The following EFNA5 variants were observed in gnomAD, a reference collection of about 807,000 sequenced individuals.
The protein encoded by EFNA5 is ephrin A5, also known as ephrin-A5.
In EFNA5, 5 loss-of-function variants were observed where a neutral mutation model predicts 22.9. That is an observed-to-expected ratio of 0.22 (90% confidence interval 0.11 to 0.46). The LOEUF (loss-of-function observed/expected upper bound fraction) is 0.46. Ranked by LOEUF, EFNA5 falls within the 20% of genes least tolerant of loss-of-function variation. The pLI is 0.99. For missense variants in EFNA5, 237 were observed against 293.3 expected, an observed-to-expected ratio of 0.81 and a Z score of 1.40; for synonymous variants, 113 against 112.2, an observed-to-expected ratio of 1.01 and a Z score of -0.04.
chr5:107,425,063 C>T (rs1237908105), intron 2 of EFNA5, among the ~76,000 whole-genome samples: 1 of 152,110 alleles, frequency 6.6e-6, no homozygotes, highest in Non-Finnish European at 1.5e-5. Flanking sequence ...TATTTTGAAG[C>T]ATTTTGGAAC....
chr5:107,542,571 G>C (rs1748071223), intron 1 of EFNA5, among the ~76,000 whole-genome samples: 1 of 152,014 alleles, frequency 6.6e-6, no homozygotes, highest in Non-Finnish European at 1.5e-5. Flanking sequence ...GGTGCGGGGA[G>C]GGGGTAGGTG....
At chr5:107,558,231 C>T (rs1306789343) in intron 1 of EFNA5, among the ~76,000 whole-genome samples, 2 of 152,014 alleles carry the variant, frequency 1.3e-5, no homozygotes, top group African/African-American at 4.8e-5. Context: ...CCACTCCCGG[C>T]AACTGTACTA....
intron 1 of EFNA5, among the ~76,000 whole-genome samples, chr5:107,517,549 A>T (rs955510036): frequency 6.6e-6 from 1 of 152,208 alleles, no homozygotes; most frequent in Non-Finnish European, 1.5e-5. Flanking sequence ...CACTATCATT[A>T]TTATCCTTTT....
chr5:107,536,911 C>T lies in EFNA5; in HGVS notation c.126-109402G>A, dbSNP rs371454192. On this transcript the variant is annotated intron_variant, in intron 1 of 4. Transcript: ENST00000333274. ...CATGAGGTCAGGAGTTTGAGACCAT[C>T]CTGACTAATATGGTGAAACCCTGTC... 7.2e-5 allele frequency among the ~76,000 whole-genome samples: 11 copies of T among 152,066 alleles called. No homozygotes were observed. The South Asian group carries it at 2.3e-3, about 32-fold the overall frequency.
At chr5:107,584,673 T>C (rs1352466505) in intron 1 of EFNA5, among the ~76,000 whole-genome samples, 2 of 152,222 alleles carry the variant, frequency 1.3e-5, no homozygotes, top group African/African-American at 2.4e-5. Context: ...CATTTACTGA[T>C]AGTTACTGCT....
chr5:107,641,017 TAGATAGAC>T (rs1490405503), intron 1 of EFNA5, among the ~76,000 whole-genome samples: 1,397 of 113,630 alleles, frequency 0.012, 20 homozygotes, highest in African/African-American at 0.037. Flanking sequence ...GATAGATAGA[TAGATAGAC>T]AGACAGACAG....
At chr5:107,446,036 A>C (rs1561389592) in intron 1 of EFNA5, among the ~76,000 whole-genome samples, 1 of 152,174 alleles carries the variant, frequency 6.6e-6, no homozygotes, top group Non-Finnish European at 1.5e-5. Flanking sequence ...CTATCTTCGA[A>C]TCTGGGCTCT....
At chr5:107,464,750 C>T (rs1255546001) in intron 1 of EFNA5, among the ~76,000 whole-genome samples, 1 of 152,138 alleles carries the variant, frequency 6.6e-6, no homozygotes, top group African/African-American at 2.4e-5. Flanking sequence ...ATAGCTAACC[C>T]TCACTTATCA....
intron 1 of EFNA5, among the ~76,000 whole-genome samples, chr5:107,499,509 G>A (rs951859461): frequency 2.6e-5 from 4 of 152,196 alleles, no homozygotes; most frequent in African/African-American, 9.6e-5. Flanking sequence ...AAGAATTCCT[G>A]TGTTTCCATC....
chr5:107,526,844 T>C (rs1012473485), intron 1 of EFNA5, among the ~76,000 whole-genome samples: 1 of 152,160 alleles, frequency 6.6e-6, no homozygotes, highest in African/African-American at 2.4e-5. Flanking sequence ...TAAAATAGCT[T>C]ACAATGCCAG....
chr5:107,526,757 A>C (rs895621496), intron 1 of EFNA5, among the ~76,000 whole-genome samples: 9 of 152,204 alleles, frequency 5.9e-5, no homozygotes, highest in African/African-American at 2.2e-4. Flanking sequence ...CTAAATAATA[A>C]GGTCATGTAG....
chr5:107,618,920 C>A (rs1022601277), intron 1 of EFNA5, among the ~76,000 whole-genome samples: 2 of 151,794 alleles, frequency 1.3e-5, no homozygotes, highest in African/African-American at 4.8e-5. Flanking sequence ...CAGTTGTGTA[C>A]TCTTTTTTTT....
intron 1 of EFNA5, among the ~76,000 whole-genome samples, chr5:107,613,025 G>A (rs1032736409): frequency 1.3e-5 from 2 of 151,974 alleles, no homozygotes; most frequent in African/African-American, 4.8e-5. Flanking sequence ...CAGTGATACA[G>A]TAACACAGAA....
intron 1 of EFNA5, among the ~76,000 whole-genome samples, chr5:107,448,215 A>G (rs1468425075): frequency 1.3e-5 from 2 of 152,222 alleles, no homozygotes; most frequent in African/African-American, 4.8e-5. Context: ...AAGTAGTAAG[A>G]TCATTAAGGA....
chr5:107,431,641 C>T (rs1402697800), intron 1 of EFNA5, among the ~76,000 whole-genome samples: 1 of 152,182 alleles, frequency 6.6e-6, no homozygotes, highest in African/African-American at 2.4e-5. Flanking sequence ...AACCAAAGCT[C>T]TTCACTTTTC....
At position 107,381,229 on chromosome 5, in the gene EFNA5, G is replaced by A. The variant is rs373362898; in HGVS notation, c.*26C>T. 3.1e-6 allele frequency: 5 copies of A among 1,603,636 alleles called. No individual in the cohort carries two copies. The African/African-American group carries it at 6.7e-5, about 21-fold the overall frequency. On this transcript the variant is annotated 3_prime_UTR_variant, in exon 5 of 5. Coordinates refer to ENST00000333274, the MANE Select transcript of EFNA5 (RefSeq NM_001962.3). ...GTGTTCCAAGACCCTGATGTTTTCTGTGACAAGTGATGGGAGGAGACTGTG... is the reference window on the plus strand; with the variant it reads ...GTGTTCCAAGACCCTGATGTTTTCTATGACAAGTGATGGGAGGAGACTGTG...
intron 1 of EFNA5, among the ~76,000 whole-genome samples, chr5:107,611,367 C>A (rs1253885586): frequency 6.6e-6 from 1 of 152,128 alleles, no homozygotes; most frequent in African/African-American, 2.4e-5. Context: ...CAGCATACAC[C>A]TTTTTGCTAT....
chr5:107,447,835 A>AT (rs371389437), intron 1 of EFNA5, among the ~76,000 whole-genome samples: 2,488 of 147,568 alleles, frequency 0.017, 59 homozygotes, highest in African/African-American at 0.058. Context: ...AGAACAAGGG[A>AT]TTTTTTTTTT....
At chr5:107,534,414 T>C (rs1747889657) in intron 1 of EFNA5, among the ~76,000 whole-genome samples, 1 of 152,170 alleles carries the variant, frequency 6.6e-6, no homozygotes, top group African/African-American at 2.4e-5. Flanking sequence ...TTATGTCTAG[T>C]CCTGGAAAGC....
Sources: gnomAD v4.1 joint callset for allele counts (sites outside exome capture counted in the v4.1 genomes callset) on GRCh38, gnomAD v4.1.1 for gene constraint, MANE v1.5 for transcripts, NCBI Gene and HGNC (gene_info 2026-07-23, HGNC 2026-07-21) for gene names.